Variants in REEP1 observed in about 807,000 individuals in gnomAD.
The protein encoded by REEP1 is receptor accessory protein 1, also known as receptor expression-enhancing protein 1.
In REEP1, 22 loss-of-function variants were observed where a neutral mutation model predicts 40.3. The observed-to-expected ratio is 0.55, with a 90% CI of 0.39 to 0.78. REEP1 has a LOEUF of 0.78. Among genes scored for constraint, REEP1 ranks in the 30% least tolerant of loss-of-function variants. The probability of loss-of-function intolerance (pLI) is 0.00; values close to 1 mark genes in which losing one functional copy is unlikely to be tolerated. For synonymous variants in REEP1, 116 were observed against 139.2 expected (o/e 0.83, Z 1.17); for missense variants, 280 against 361.1 (o/e 0.78, Z 1.82).
chr2:86,291,354 T>C (rs1215555050), intron 1 of REEP1, among the ~76,000 whole-genome samples: 1 of 152,194 alleles, frequency 6.6e-6, no homozygotes, highest in Non-Finnish European at 1.5e-5. Context: ...TTCAAGCACA[T>C]AAACTGTTCA....
At chr2:86,305,367 G>A (rs906774092) in intron 1 of REEP1, among the ~76,000 whole-genome samples, 1 of 152,158 alleles carries the variant, frequency 6.6e-6, no homozygotes. Context: ...CCTCCCTCAG[G>A]GCAAGCCCCT....
At chr2:86,331,669 G>A (rs1198650004) in intron 1 of REEP1, among the ~76,000 whole-genome samples, 5 of 152,190 alleles carry the variant, frequency 3.3e-5, no homozygotes, top group Non-Finnish European at 7.3e-5. Flanking sequence ...CCAGGTGACT[G>A]ACAAGGCCAC....
chr2:86,333,142 T>C (rs373114494), intron 1 of REEP1, among the ~76,000 whole-genome samples: 3 of 152,378 alleles, frequency 2.0e-5, no homozygotes, highest in East Asian at 3.9e-4. Flanking sequence ...AACCCTCCAT[T>C]AACTGAATCA....
At chr2:86,307,397 T>C (rs2113616) in intron 1 of REEP1, among the ~76,000 whole-genome samples, 127,655 of 152,044 alleles carry the variant, frequency 0.84, 53,901 homozygotes, top group East Asian at 0.96. Context: ...ATTGTCCATT[T>C]GTGCCCAAAA....
chr2:86,301,551 T>A, intron 1 of REEP1, among the ~76,000 whole-genome samples: 1 of 152,346 alleles, frequency 6.6e-6, no homozygotes, highest in African/African-American at 2.4e-5. Context: ...AGCGTGACAA[T>A]ACCAGAAATA....
At chr2:86,322,410 T>G (rs1680308658) in intron 1 of REEP1, among the ~76,000 whole-genome samples, 1 of 152,048 alleles carries the variant, frequency 6.6e-6, no homozygotes, top group Admixed American at 6.5e-5. Context: ...TGACAGAGTC[T>G]TGCTCTGTCA....
intron 1 of REEP1, among the ~76,000 whole-genome samples, chr2:86,284,913 G>A (rs11682376): frequency 0.87 from 132,610 of 152,230 alleles, 58,209 homozygotes; most frequent in East Asian, 0.96. Context: ...TTTGCTTTTC[G>A]GTTTCTAAAA....
intron 5 of REEP1, among the ~76,000 whole-genome samples, chr2:86,239,649 C>A (rs1338780767): frequency 1.3e-5 from 2 of 152,180 alleles, no homozygotes; most frequent in Non-Finnish European, 2.9e-5. Context: ...TGCATGAGGA[C>A]CAGGCCCTTG....
chr2:86,335,710 G>T (rs1306231705), intron 1 of REEP1, among the ~76,000 whole-genome samples: 15 of 152,014 alleles, frequency 9.9e-5, no homozygotes, highest in Non-Finnish European at 1.9e-4. Context: ...TTAGCTGGGC[G>T]TGGTGGCAGG....
At chr2:86,276,728 G>T (rs1427415511) in intron 2 of REEP1, among the ~76,000 whole-genome samples, 1 of 152,168 alleles carries the variant, frequency 6.6e-6, no homozygotes, top group Non-Finnish European at 1.5e-5. Context: ...GGAAATGAGG[G>T]TTCCTTAATC....
chr2:86,285,000 T>A (rs774717625), intron 1 of REEP1, among the ~76,000 whole-genome samples: 1 of 152,230 alleles, frequency 6.6e-6, no homozygotes, highest in Non-Finnish European at 1.5e-5. Context: ...CTTAACCTAT[T>A]TTGGAAATAA....
chr2:86,318,036 T>G (rs1680101429), intron 1 of REEP1, among the ~76,000 whole-genome samples: 1 of 152,214 alleles, frequency 6.6e-6, no homozygotes, highest in Non-Finnish European at 1.5e-5. Context: ...AAATTAGAAT[T>G]TTGGACATTT....
intron 1 of REEP1, chr2:86,297,822 G>T (rs1363256897): frequency 1.8e-6 from 1 of 549,998 alleles, no homozygotes; most frequent in Non-Finnish European, 2.3e-6. Context: ...GATGCCTAAG[G>T]TCCAGCCTGG....
At chr2:86,272,978 G>C (rs1677540671) in intron 2 of REEP1, among the ~76,000 whole-genome samples, 1 of 151,972 alleles carries the variant, frequency 6.6e-6, no homozygotes, top group Non-Finnish European at 1.5e-5. Flanking sequence ...ACAAAAATTA[G>C]CTGGGCATGG....
chr2:86,228,344 CT>C (rs1674829362), intron 6 of REEP1, among the ~76,000 whole-genome samples: 1 of 152,164 alleles, frequency 6.6e-6, no homozygotes, highest in Non-Finnish European at 1.5e-5. Context: ...CCCTTCCTCC[CT>C]TCCTCGTTTG....
chr2:86,304,660 GA>G (rs1250751265), intron 1 of REEP1, among the ~76,000 whole-genome samples: 1 of 152,130 alleles, frequency 6.6e-6, no homozygotes, highest in Non-Finnish European at 1.5e-5. Flanking sequence ...CAATGCCCCT[GA>G]AACACAACCT....
intron 7 of REEP1, among the ~76,000 whole-genome samples, chr2:86,226,295 A>G (rs1196028357): frequency 6.6e-6 from 1 of 151,980 alleles, no homozygotes; most frequent in Non-Finnish European, 1.5e-5. Context: ...ATTCACGCAA[A>G]GTTGCACAGC....
At chr2:86,239,704 A>G (rs1041268289) in intron 5 of REEP1, among the ~76,000 whole-genome samples, 4 of 152,242 alleles carry the variant, frequency 2.6e-5, no homozygotes, top group African/African-American at 9.6e-5. Context: ...GAGAAGGAGA[A>G]TTTCTACTGC....
rs1179428810 is a variant in REEP1 at position 86,214,806 on chromosome 2, A to ATCTTGAATGAG, written c.*2222_*2232dup. Reference sequence around the variant, plus strand: ...AGTTTGGATACCTTTATATTTTTCAATCTTGAATGAGAAGTAATAATACAG... The same window carrying ATCTTGAATGAG: ...AGTTTGGATACCTTTATATTTTTCAATCTTGAATGAGTCTTGAATGAGAAGTAATAATACAG... On this transcript the variant is annotated 3_prime_UTR_variant, in exon 9 of 9. Transcript: ENST00000538924. The ATCTTGAATGAG allele has an allele frequency of 6.6e-6, 1 of 152,652 alleles. No individual in the cohort carries two copies. The highest frequency in any genetic ancestry group is 1.5e-5 in the Non-Finnish European group (1 of 68,042). 9.5% of individuals were successfully genotyped at this position (152,652 alleles called of 1,614,324 possible).
Sources: allele counts gnomAD v4.1 joint callset (sites outside exome capture counted in the v4.1 genomes callset), GRCh38; gene constraint gnomAD v4.1.1; transcripts MANE v1.5; gene names NCBI Gene and HGNC (gene_info 2026-07-23, HGNC 2026-07-21).